Variants in PCDHGA9 observed in about 807,000 individuals in gnomAD.
PCDHGA9 encodes the protein protocadherin gamma-A9.
A neutral mutation model predicts 62.5 loss-of-function variants in PCDHGA9; 37 were observed. The observed-to-expected ratio is 0.59, with a 90% CI of 0.46 to 0.78. PCDHGA9 has a LOEUF of 0.78. Ranked by LOEUF, PCDHGA9 falls within the 30% of genes least tolerant of loss-of-function variation. The probability of loss-of-function intolerance (pLI) is 0.00; values close to 1 mark genes in which losing one functional copy is unlikely to be tolerated. For synonymous variants in PCDHGA9, 459 were observed against 484.6 expected (o/e 0.95, Z 0.69); for missense variants, 1,138 against 1,166.2 (o/e 0.98, Z 0.35).
chr5:141,488,980 C>A, intron 1 of PCDHGA9: 1 of 392,340 alleles, frequency 2.5e-6, no homozygotes, highest in Non-Finnish European at 4.5e-6. Flanking sequence ...CAATCAGACT[C>A]AGAGCTGAGG....
chr5:141,448,763 A>AC (rs1372638258), intron 1 of PCDHGA9, among the ~76,000 whole-genome samples: 11 of 151,572 alleles, frequency 7.3e-5, no homozygotes, highest in Admixed American at 5.3e-4. Flanking sequence ...ACACGGTGAA[A>AC]CCCCGTCTGT....
rs2099735810 is a variant in PCDHGA9 at position 141,491,979 on chromosome 5, G to A, written c.2425-2828G>A. On this transcript the variant is annotated intron_variant, in intron 1 of 3. Transcript: ENST00000573521. This position sits in a 1 kb window ranked among gnomAD's most constrained non-coding sequence, Gnocchi z 6.9. ...CAAAAAAGGCCGGGGCCTCCTTCGA[G>A]CTTCCGGTGAATTTCGGGCGATTTC... 6.4e-6 allele frequency: 5 copies of A among 787,296 alleles called. No homozygotes were observed. Among genetic ancestry groups the A allele is most frequent in the Non-Finnish European group, 9.4e-6 (5 of 533,208 alleles). 48.8% of individuals were successfully genotyped at this position (787,296 alleles called of 1,614,324 possible).
intron 1 of PCDHGA9, chr5:141,418,453 G>T (rs2096259626): frequency 1.2e-6 from 2 of 1,614,060 alleles, no homozygotes; most frequent in East Asian, 4.5e-5. Flanking sequence ...TATTGCAGAA[G>T]ACTCTGGACC....
At chr5:141,497,203 G>A (rs750138875) in intron 2 of PCDHGA9, among the ~76,000 whole-genome samples, 25 of 91,718 alleles carry the variant, frequency 2.7e-4, no homozygotes, top group Non-Finnish European at 4.9e-4. Flanking sequence ...AACAATGTGA[G>A]TGTAATGGGG....
intron 3 of PCDHGA9, among the ~76,000 whole-genome samples, chr5:141,508,761 C>G (rs943236216): frequency 6.6e-6 from 1 of 151,974 alleles, no homozygotes; most frequent in Admixed American, 6.6e-5. Context: ...TCTGGCGCCT[C>G]TGAGGTCCCC....
At chr5:141,419,259 C>T (rs765877993) in intron 1 of PCDHGA9, 2 of 1,613,900 alleles carry the variant, frequency 1.2e-6, no homozygotes, top group South Asian at 2.2e-5. Flanking sequence ...AACAACCAGC[C>T]GGGTGCCTCC....
intron 1 of PCDHGA9, among the ~76,000 whole-genome samples, chr5:141,470,451 T>C (rs2099230860): frequency 6.6e-6 from 1 of 152,210 alleles, no homozygotes; most frequent in Non-Finnish European, 1.5e-5. Context: ...AATAGCATCT[T>C]GAATAGGATT....
At position 141,489,335 on chromosome 5, in the gene PCDHGA9, G is replaced by C. The variant is rs138015049; in HGVS notation, c.2425-5472G>C. 1.4e-5 allele frequency: 22 copies of C among 1,607,364 alleles called. No individual in the cohort carries two copies. Among genetic ancestry groups the C allele is most frequent in the Non-Finnish European group, 1.9e-5 (22 of 1,175,842 alleles). The stretch of plus-strand genomic sequence containing the variant: ...TGGGGCTGGGTGTCTGGGCAGCTTC[G>C]TTACTCAGTGGTGGAGGAGTCTGAG... On this transcript the variant is annotated intron_variant, in intron 1 of 3. Transcript: ENST00000573521. This position sits in a 1 kb window ranked among gnomAD's most constrained non-coding sequence, Gnocchi z 4.5.
chr5:141,427,626 C>T, intron 1 of PCDHGA9: 1 of 699,934 alleles, frequency 1.4e-6, no homozygotes, highest in Non-Finnish European at 2.6e-6. Flanking sequence ...CGACAATGCT[C>T]CGGTTTTCCA....
At chr5:141,437,096 C>T (rs989863634) in intron 1 of PCDHGA9, among the ~76,000 whole-genome samples, 6 of 152,122 alleles carry the variant, frequency 3.9e-5, no homozygotes, top group Non-Finnish European at 8.8e-5. Context: ...AAACTAACGG[C>T]TTAGCTTTAG....
intron 1 of PCDHGA9, among the ~76,000 whole-genome samples, chr5:141,462,211 C>T (rs543979258): frequency 2.0e-5 from 3 of 151,998 alleles, no homozygotes; most frequent in South Asian, 2.1e-4. Context: ...CCGCCTGCCT[C>T]GGCCTCCCAA....
intron 1 of PCDHGA9, chr5:141,409,139 GA>G: frequency 1.9e-6 from 3 of 1,614,012 alleles, no homozygotes; most frequent in Non-Finnish European, 2.5e-6. Context: ...TGAAGATGTA[GA>G]AAGGTACACC....
chr5:141,402,944 G>A lies in PCDHGA9; in HGVS notation c.-9G>A, dbSNP rs1487270083. The A allele has an allele frequency of 1.3e-6, 2 of 1,592,136 alleles. No homozygotes were observed. Among genetic ancestry groups the A allele is most frequent in the Non-Finnish European group, 1.7e-6 (2 of 1,168,654 alleles). ...GATCCTTTTGAGAAAATTCCAAAGC[G>A]AGGCAGCAATGGCAGCTCCAACCAA... On this transcript the variant is annotated 5_prime_UTR_variant, in exon 1 of 4. Transcript: ENST00000573521.
chr5:141,408,918 C>G, intron 1 of PCDHGA9: 1 of 1,613,408 alleles, frequency 6.2e-7, no homozygotes, highest in Non-Finnish European at 8.5e-7. Flanking sequence ...AATGATAACC[C>G]CCCGGTTTTC....
chr5:141,405,172 T>G lies in PCDHGA9; in HGVS notation c.2220T>G (p.Phe740Leu). ...TGGCTGGTGTGCCCACCTCACACTT[T>G]GTGGGTGTAGATGGGGTTCGAGCTT... Reference protein sequence around the residue: ...DGLAGVPTSHFVGVDGVRAFL... With the variant: ...DGLAGVPTSHLVGVDGVRAFL... Residue 740 changes from phenylalanine to leucine, a missense_variant, in exon 1 of 4, where the codon TTT becomes TTG. By Grantham distance (22) the Phe-to-Leu change is conservative (BLOSUM62 0). Coordinates refer to ENST00000573521, the MANE Select transcript of PCDHGA9 (RefSeq NM_018921.3). 2 of 1,614,092 alleles carry G rather than the reference T, an allele frequency of 1.2e-6. No homozygotes were observed. Among genetic ancestry groups the G allele is most frequent in the African/African-American group, 2.7e-5 (2 of 75,020 alleles).
intron 1 of PCDHGA9, chr5:141,412,214 A>G (rs1196919276): frequency 6.6e-6 from 1 of 152,196 alleles, no homozygotes; most frequent in African/African-American, 2.4e-5. Context: ...TGACATAAAC[A>G]CTTACTTGTT....
At chr5:141,409,036 C>T in intron 1 of PCDHGA9, 1 of 1,614,020 alleles carries the variant, frequency 6.2e-7, no homozygotes, top group Non-Finnish European at 8.5e-7. Context: ...CTGAGATAAA[C>T]TACTACTTCC....
At chr5:141,500,499 G>A (rs531501031) in intron 2 of PCDHGA9, among the ~76,000 whole-genome samples, 11 of 151,970 alleles carry the variant, frequency 7.2e-5, no homozygotes, top group African/African-American at 2.7e-4. Context: ...GTGAGCCACC[G>A]CGCCTGGCCG....
chr5:141,409,628 G>T (rs367728235), intron 1 of PCDHGA9: 1 of 1,613,848 alleles, frequency 6.2e-7, no homozygotes. Flanking sequence ...GCAAGTGAGC[G>T]CCTCTGACCC....
Sources: allele counts gnomAD v4.1 joint callset (sites outside exome capture counted in the v4.1 genomes callset), GRCh38; gene constraint gnomAD v4.1.1; non-coding constraint Gnocchi (gnomAD v3.1); transcripts MANE v1.5; gene names NCBI Gene and HGNC (gene_info 2026-07-23, HGNC 2026-07-21).